GLRA1: variants seen among roughly 807,000 people sequenced by gnomAD.
The protein encoded by GLRA1 is glycine receptor alpha 1.
GLRA1 carries 37 observed loss-of-function variants against 48.3 expected under a neutral mutation model. The observed-to-expected ratio is 0.77, with a 90% CI of 0.59 to 1.01. The LOEUF is 1.01. Among genes scored for constraint, GLRA1 ranks in the 50% least tolerant of loss-of-function variants. The probability of loss-of-function intolerance (pLI) is 0.00; values close to 1 mark genes in which losing one functional copy is unlikely to be tolerated. For missense variants in GLRA1, 427 were observed against 571.0 expected (o/e 0.75, Z 2.57); for synonymous variants, 196 against 210.7 (o/e 0.93, Z 0.60).
chr5:151,852,261 C>G lies in GLRA1; in HGVS notation c.698-657G>C, dbSNP rs1209692142. ...TCTGAGCTTTTGATCTTGCTCATCC[C>G]TTTGCCCAGAATGCCCTTGTTCCTT... On this transcript the variant is annotated intron_variant, in intron 6 of 8. Transcript: ENST00000274576. Among the ~76,000 whole-genome samples, 4 of 152,314 alleles carry G rather than the reference C, an allele frequency of 2.6e-5. No individual in the cohort carries two copies. In the East Asian group the frequency reaches 7.7e-4, roughly 29 times the overall value.
At chr5:151,877,548 C>T (rs1753657027) in intron 3 of GLRA1, among the ~76,000 whole-genome samples, 1 of 151,986 alleles carries the variant, frequency 6.6e-6, no homozygotes, top group Non-Finnish European at 1.5e-5. Flanking sequence ...ACTCCAAAAC[C>T]CAGAAGGGCA....
In GLRA1 at chr5:151,851,619, A is replaced by G. The variant is rs1418942339; in HGVS notation, c.698-15T>C. On this transcript the variant is annotated splice_polypyrimidine_tract_variant and intron_variant, in intron 6 of 8. Coordinates refer to ENST00000274576, the MANE Select transcript of GLRA1 (RefSeq NM_000171.4). Reference sequence around the variant, plus strand: ...GGTGAATTTACCTGCAAGAAATTGCAGTGAGAAGGCAGTGTAGCCTGGTGA... The same window carrying G: ...GGTGAATTTACCTGCAAGAAATTGCGGTGAGAAGGCAGTGTAGCCTGGTGA... 1.9e-6 allele frequency: 3 copies of G among 1,577,416 alleles called. No homozygotes were observed. The highest frequency in any genetic ancestry group is 2.6e-6 in the Non-Finnish European group (3 of 1,146,514).
Position 151,849,456 on chromosome 5 carries a change from C to CTTTCCTTTCCTTTCCT in GLRA1, c.912+1933_912+1934insAGGAAAGGAAAGGAAA, listed in dbSNP as rs577318905. On this transcript the variant is annotated intron_variant, in intron 7 of 8. Transcript: ENST00000274576. Reference sequence around the variant, plus strand: ...CTTTCCTTTCCTTTCCTTTCCTTTCCTTCCTTCCTTCCTTCCTTCCTTCCT... The same window carrying CTTTCCTTTCCTTTCCT: ...CTTTCCTTTCCTTTCCTTTCCTTTCCTTTCCTTTCCTTTCCTTTCCTTCCTTCCTTCCTTCCTTCCT... 4.4e-4 allele frequency among the ~76,000 whole-genome samples: 13 copies of CTTTCCTTTCCTTTCCT among 29,556 alleles called. 1 individual carries two copies. Among genetic ancestry groups the CTTTCCTTTCCTTTCCT allele is most frequent in the South Asian group, 1.2e-3 (1 of 810 alleles). 19.4% of individuals were successfully genotyped at this position (29,556 alleles called of 152,430 possible). A position where few individuals can be genotyped will look rare whatever the true frequency, so the allele number is the denominator to read the frequency against.
intron 7 of GLRA1, chr5:151,850,617 G>T (rs1752874762): frequency 3.4e-6 from 5 of 1,483,258 alleles, no homozygotes; most frequent in South Asian, 1.1e-5. Context: ...TTTTCTGCTG[G>T]TGTAGCCAAT....
chr5:151,898,155 G>A (rs1171325751), intron 1 of GLRA1, among the ~76,000 whole-genome samples: 1 of 151,700 alleles, frequency 6.6e-6, no homozygotes. Flanking sequence ...AAATTAAGAT[G>A]ATCTCTAAGA....
intron 8 of GLRA1, among the ~76,000 whole-genome samples, chr5:151,826,357 A>G: frequency 6.6e-6 from 1 of 152,182 alleles, no homozygotes; most frequent in Non-Finnish European, 1.5e-5. Context: ...CTAGTTTTTG[A>G]CCTTCGCCAT....
chr5:151,881,167 A>G (rs1753751083), intron 3 of GLRA1, among the ~76,000 whole-genome samples: 1 of 152,250 alleles, frequency 6.6e-6, no homozygotes, highest in South Asian at 2.1e-4. Context: ...ACACAGATCC[A>G]TAGATGCTCC....
chr5:151,850,476 A>C (rs1752870310), intron 7 of GLRA1: 1 of 1,043,152 alleles, frequency 9.6e-7, no homozygotes, highest in Admixed American at 1.7e-5. Context: ...GAATGGTCTG[A>C]AGTACACTGA....
At chr5:151,882,546 A>C (rs111843546) in intron 3 of GLRA1, among the ~76,000 whole-genome samples, 1 of 152,186 alleles carries the variant, frequency 6.6e-6, no homozygotes, top group African/African-American at 2.4e-5. Context: ...GGTAGGTGGA[A>C]TCCAGAGGGA....
chr5:151,848,687 CT>C (rs1752744673), intron 7 of GLRA1, among the ~76,000 whole-genome samples: 1 of 152,202 alleles, frequency 6.6e-6, no homozygotes, highest in Non-Finnish European at 1.5e-5. Flanking sequence ...TGCCTATGTT[CT>C]TTCCCCCTGA....
intron 1 of GLRA1, among the ~76,000 whole-genome samples, chr5:151,894,664 C>T (rs1754186239): frequency 6.6e-6 from 1 of 152,100 alleles, no homozygotes; most frequent in African/African-American, 2.4e-5. Flanking sequence ...TCTTTCATTC[C>T]CCACTGTGTC....
intron 2 of GLRA1, among the ~76,000 whole-genome samples, chr5:151,888,477 G>T (rs1158555827): frequency 1.3e-5 from 2 of 152,182 alleles, no homozygotes; most frequent in East Asian, 3.8e-4. Flanking sequence ...CTCAGCTTCA[G>T]TGGTTTGGAA....
At chr5:151,875,474 A>C (rs1034079139) in intron 3 of GLRA1, 1 of 152,204 alleles carries the variant, frequency 6.6e-6, no homozygotes, top group African/African-American at 2.4e-5. Flanking sequence ...ACACCTGGCT[A>C]TAAGGGGCTT....
At chr5:151,885,169 G>A (rs568810373) in intron 3 of GLRA1, among the ~76,000 whole-genome samples, 1 of 152,358 alleles carries the variant, frequency 6.6e-6, no homozygotes, top group Non-Finnish European at 1.5e-5. Flanking sequence ...AAGGTTGGAT[G>A]TAATCTCCAT....
At chr5:151,890,561 A>G (rs4467698) in intron 2 of GLRA1, among the ~76,000 whole-genome samples, 70,461 of 152,050 alleles carry the variant, frequency 0.46, 16,508 homozygotes, top group East Asian at 0.58. Context: ...TTAGTTGTCA[A>G]TTTGCAAGAT....
rs1453529550 is a variant in GLRA1, at chr5:151,892,585, G to A, written c.57-147C>T. The A allele has an allele frequency of 4.7e-6, 4 of 847,350 alleles. No individual in the cohort carries two copies. The African/African-American group carries it at 5.0e-5, about 11-fold the overall frequency. 52.5% of individuals were successfully genotyped at this position (847,350 alleles called of 1,614,324 possible). A position where few individuals can be genotyped will look rare whatever the true frequency, so the allele number is the denominator to read the frequency against. On this transcript the variant is annotated intron_variant, in intron 1 of 8. Transcript: ENST00000274576. ...TAATATGGGTCCTTAATGAGGTAAG[G>A]CCCAGGTTAAATTGTTTACCCAGCC...
rs1561554717 is a variant in GLRA1, at chr5:151,849,217, T to TTCTTTC, written c.912+2172_912+2173insGAAAGA. On this transcript the variant is annotated intron_variant, in intron 7 of 8. Coordinates refer to ENST00000274576, the MANE Select transcript of GLRA1 (RefSeq NM_000171.4). ...CTTTCTTTTCTTTCTTTCCTTCCTT[T>TTCTTTC]CTTCCTTCCTTCCTTCCTTCCTTCC... is the stretch of plus-strand genomic sequence containing the variant. Among the ~76,000 whole-genome samples the TTCTTTC allele has an allele frequency of 3.5e-4, 22 of 62,964 alleles. 2 individuals are homozygous for TTCTTTC. Among genetic ancestry groups the TTCTTTC allele is most frequent in the East Asian group, 1.2e-3 (3 of 2,504 alleles). The allele number at this position is 62,964 out of a possible 152,430, so 41.3% of individuals were successfully genotyped here. A position where few individuals can be genotyped will look rare whatever the true frequency, so the allele number is the denominator to read the frequency against.
intron 3 of GLRA1, among the ~76,000 whole-genome samples, chr5:151,865,929 T>C (rs980165987): frequency 6.6e-6 from 1 of 152,152 alleles, no homozygotes; most frequent in African/African-American, 2.4e-5. Flanking sequence ...GAGATCAATG[T>C]AATTGGTGTA....
In GLRA1 at chr5:151,829,006, G is replaced by T. The variant is rs772672987; in HGVS notation, c.974C>A (p.Ala325Asp). 6.2e-7 allele frequency: 1 copy of T among 1,614,062 alleles called. No homozygotes were observed. The highest frequency in any genetic ancestry group is 1.1e-5 in the South Asian group (1 of 91,082). Reference sequence around the variant, plus strand: ...GTTAACGGCAGCATATTCTAATAGGGCTGAGAACACAAAGAGCAGGCAAAC... The same window carrying T: ...GTTAACGGCAGCATATTCTAATAGGTCTGAGAACACAAAGAGCAGGCAAAC... ...MAVCLLFVFS[A>D]LLEYAAVNFV... The change falls in exon 8 of 9, where the codon GCC becomes GAC. Residue 325 changes from alanine to aspartate, a missense_variant. Ala to Asp is a moderately radical substitution (Grantham distance 126, BLOSUM62 -2). Transcript: ENST00000274576.
Sources: gnomAD v4.1 joint callset for allele counts (sites outside exome capture counted in the v4.1 genomes callset) on GRCh38, gnomAD v4.1.1 for gene constraint, MANE v1.5 for transcripts, NCBI Gene and HGNC (gene_info 2026-07-23, HGNC 2026-07-21) for gene names.